Variants in MLIP observed in about 807,000 individuals in gnomAD.
MLIP encodes the protein muscular LMNA interacting protein.
MLIP carries 79 observed loss-of-function variants against 84.8 expected under a neutral mutation model. The ratio of observed to expected loss-of-function variants is 0.93; its 90% CI spans 0.78 to 1.12. MLIP has a LOEUF of 1.12. MLIP is among the 50% of genes most tolerant of loss of function. The pLI, the probability that MLIP is intolerant of heterozygous loss-of-function variation, is 0.00. For missense variants in MLIP, 1,257 were observed against 1,160.6 expected, an observed-to-expected ratio of 1.08 and a Z score of -1.21; for synonymous variants, 504 against 463.0, an observed-to-expected ratio of 1.09 and a Z score of -1.14.
intron 10 of MLIP, among the ~76,000 whole-genome samples, chr6:54,200,502 C>G (rs777670830): frequency 8.6e-5 from 13 of 150,324 alleles, no homozygotes; most frequent in Non-Finnish European, 1.9e-4. Context: ...AGCAGGAAGT[C>G]AAATGAAAAA....
chr6:54,156,035 A>G (rs1359316623), intron 5 of MLIP, among the ~76,000 whole-genome samples: 2 of 152,114 alleles, frequency 1.3e-5, no homozygotes, highest in Admixed American at 6.6e-5. Context: ...AAATGAATAA[A>G]TCTAGAGAAA....
chr6:54,170,116 A>C (rs1150883), intron 9 of MLIP, among the ~76,000 whole-genome samples: 147,020 of 151,654 alleles, frequency 0.97, 71,433 homozygotes, highest in East Asian at 1. Context: ...GTTAGACATA[A>C]ACCTGCATAG....
intron 1 of MLIP, among the ~76,000 whole-genome samples, chr6:54,118,123 A>C (rs1371308660): frequency 2.0e-5 from 3 of 152,190 alleles, no homozygotes; most frequent in East Asian, 3.8e-4. Flanking sequence ...ATTCAACGCA[A>C]CTCCTATCAA....
At chr6:54,094,192 T>G (rs1582124819) in intron 1 of MLIP, among the ~76,000 whole-genome samples, 1 of 152,100 alleles carries the variant, frequency 6.6e-6, no homozygotes, top group Admixed American at 6.6e-5. Context: ...TATCTTATTG[T>G]AGAAGCCACT....
intron 1 of MLIP, among the ~76,000 whole-genome samples, chr6:54,027,531 T>C (rs987239246): frequency 6.6e-6 from 1 of 152,166 alleles, no homozygotes; most frequent in Non-Finnish European, 1.5e-5. Flanking sequence ...ACAGATATCT[T>C]AGTTCCTTTG....
chr6:54,180,696 T>A lies in MLIP; in HGVS notation c.2545-9174T>A, dbSNP rs1252811136. Among the ~76,000 whole-genome samples, 5 of 152,190 alleles carry A rather than the reference T, an allele frequency of 3.3e-5. No homozygotes were observed. The East Asian group carries it at 9.6e-4, about 29-fold the overall frequency. ...TTCTGCTTGATTTTGTTTTAATTAT[T>A]TCAATCTCTTTGTTAAATTTATCTA... On this transcript the variant is annotated intron_variant, in intron 9 of 13. Coordinates refer to ENST00000502396, the MANE Select transcript of MLIP (RefSeq NM_001281747.2).
At chr6:54,214,689 C>T (rs1779725068) in intron 11 of MLIP, among the ~76,000 whole-genome samples, 1 of 152,178 alleles carries the variant, frequency 6.6e-6, no homozygotes, top group African/African-American at 2.4e-5. Flanking sequence ...AACCCAAACT[C>T]TACTTTTTCC....
chr6:54,118,965 C>T (rs1316631466), intron 1 of MLIP, among the ~76,000 whole-genome samples: 6 of 152,116 alleles, frequency 3.9e-5, no homozygotes, highest in Non-Finnish European at 7.4e-5. Flanking sequence ...TGTTGCTAAT[C>T]ATCAGGAAAA....
intron 3 of MLIP, among the ~76,000 whole-genome samples, chr6:54,127,764 G>T (rs1253357341): frequency 1.3e-5 from 2 of 152,082 alleles, no homozygotes; most frequent in Non-Finnish European, 2.9e-5. Flanking sequence ...GCATGTTTAA[G>T]TAAAAGTATC....
intron 13 of MLIP, among the ~76,000 whole-genome samples, chr6:54,259,267 T>G (rs541697615): frequency 6.6e-6 from 1 of 151,932 alleles, no homozygotes; most frequent in African/African-American, 2.4e-5. Flanking sequence ...AATTGTGTAA[T>G]AGTGAAAAAT....
chr6:54,150,333 T>C (rs1218888887), intron 5 of MLIP, among the ~76,000 whole-genome samples: 1 of 152,158 alleles, frequency 6.6e-6, no homozygotes, highest in Non-Finnish European at 1.5e-5. Flanking sequence ...TTATTGTCTG[T>C]TAAAAGATGA....
intron 1 of MLIP, among the ~76,000 whole-genome samples, chr6:54,073,311 A>G (rs1056044436): frequency 2.0e-5 from 3 of 152,170 alleles, no homozygotes; most frequent in East Asian, 1.9e-4. Flanking sequence ...TACCTATTAA[A>G]TAGTGTTTTC....
intron 1 of MLIP, chr6:54,019,171 T>C (rs1176043432): frequency 3.4e-6 from 5 of 1,458,958 alleles, no homozygotes; most frequent in Non-Finnish European, 4.7e-6. Flanking sequence ...ACTGGAAAAG[T>C]TGTGCTAGCC....
chr6:54,160,426 A>C lies in MLIP; in HGVS notation c.2349A>C (p.Pro783=). Residue 783 remains proline (P), a synonymous_variant, in exon 6 of 14, where the codon CCA becomes CCC. Transcript: ENST00000502396. The part of the protein sequence containing the change: ...SVSKDNTLEP[P]VELYFPAQLR... Reference sequence around the variant, plus strand: ...CCAAGGACAACACATTAGAACCACCAGTGGAGGTAATAACTTCAGATTACC... The same window carrying C: ...CCAAGGACAACACATTAGAACCACCCGTGGAGGTAATAACTTCAGATTACC... 1 of 1,612,444 alleles carries C rather than the reference A, an allele frequency of 6.2e-7. No individual in the cohort carries two copies. Among genetic ancestry groups the C allele is most frequent in the Non-Finnish European group, 8.5e-7 (1 of 1,179,122 alleles).
At chr6:54,023,574 T>C (rs566934894) in intron 1 of MLIP, among the ~76,000 whole-genome samples, 1 of 152,254 alleles carries the variant, frequency 6.6e-6, no homozygotes, top group Non-Finnish European at 1.5e-5. Flanking sequence ...TTTAATTAAT[T>C]AATTTATTTT....
chr6:54,092,387 C>G (rs192249254), intron 1 of MLIP, among the ~76,000 whole-genome samples: 253 of 152,228 alleles, frequency 1.7e-3, no homozygotes, highest in African/African-American at 5.6e-3. Flanking sequence ...TTTTATATAT[C>G]TTGGTACAAG....
At chr6:54,076,152 GT>G (rs1288059677) in intron 1 of MLIP, among the ~76,000 whole-genome samples, 1 of 152,134 alleles carries the variant, frequency 6.6e-6, no homozygotes, top group Non-Finnish European at 1.5e-5. Context: ...AAAAACAATT[GT>G]CTGTCTCTGC....
chr6:54,183,847 A>G (rs756756515), intron 9 of MLIP, among the ~76,000 whole-genome samples: 2 of 147,204 alleles, frequency 1.4e-5, no homozygotes, highest in African/African-American at 2.5e-5. Flanking sequence ...TAGACAGTGT[A>G]AGTTCCATCG....
intron 1 of MLIP, chr6:54,047,528 C>T (rs1765133285): frequency 6.6e-6 from 1 of 152,064 alleles, no homozygotes; most frequent in African/African-American, 2.4e-5. Flanking sequence ...AAGGTTGAAG[C>T]AAAAAACTAT....
Sources: gnomAD v4.1 joint callset for allele counts (sites outside exome capture counted in the v4.1 genomes callset) on GRCh38, gnomAD v4.1.1 for gene constraint, MANE v1.5 for transcripts, NCBI Gene and HGNC (gene_info 2026-07-23, HGNC 2026-07-21) for gene names.